REV3L: variants seen among roughly 807,000 people sequenced by gnomAD.
REV3L encodes the protein REV3 like, DNA directed polymerase zeta catalytic subunit.
Under a neutral mutation model 299.4 loss-of-function variants are expected in REV3L, and 69 were observed. That is an observed-to-expected ratio of 0.23 (90% CI 0.19 to 0.28). The LOEUF is 0.28. Ranked by LOEUF, REV3L falls within the 10% of genes least tolerant of loss-of-function variation. The probability of loss-of-function intolerance (pLI) is 1.00; values close to 1 mark genes in which losing one functional copy is unlikely to be tolerated. For synonymous variants in REV3L, 1,238 were observed against 1,271.4 expected (o/e 0.97, Z 0.56); for missense variants, 3,128 against 3,693.8 (o/e 0.85, Z 3.97).
chr6:111,460,492 T>C (rs1194892156), intron 1 of REV3L: 1 of 151,992 alleles, frequency 6.6e-6, no homozygotes, highest in East Asian at 1.9e-4. Flanking sequence ...TAGAGTGACA[T>C]CTTTTAAGTA....
chr6:111,448,980 T>C (rs999107250), intron 1 of REV3L, among the ~76,000 whole-genome samples: 1 of 152,072 alleles, frequency 6.6e-6, no homozygotes, highest in Admixed American at 6.5e-5. Flanking sequence ...TACAGCTTTT[T>C]TGAAAGAGCT....
intron 16 of REV3L, chr6:111,360,584 A>C (rs1364676735): frequency 6.8e-6 from 1 of 146,758 alleles, no homozygotes; most frequent in African/African-American, 2.5e-5. Context: ...CAAGTGATCC[A>C]CTCACTTCAG....
At chr6:111,359,680 C>A (rs1007296734) in intron 16 of REV3L, among the ~76,000 whole-genome samples, 11 of 151,974 alleles carry the variant, frequency 7.2e-5, no homozygotes, top group African/African-American at 2.4e-4. Context: ...AACTGTAATT[C>A]TTAGTTTTCT....
intron 1 of REV3L, among the ~76,000 whole-genome samples, chr6:111,475,350 C>A (rs1053949600): frequency 6.6e-6 from 1 of 152,100 alleles, no homozygotes; most frequent in Non-Finnish European, 1.5e-5. Flanking sequence ...GACATATATG[C>A]AAAATCTTCT....
rs1450980266 is a variant in REV3L at position 111,376,454 on chromosome 6, G to A, written c.1901C>T (p.Thr634Ile). The A allele has an allele frequency of 1.2e-6, 2 of 1,613,640 alleles. No homozygotes were observed. Among genetic ancestry groups the A allele is most frequent in the African/African-American group, 1.3e-5 (1 of 74,912 alleles). Residue 634 changes from threonine to isoleucine, a missense_variant, in exon 13 of 32, where the codon ACT (threonine) becomes ATT (isoleucine). Thr to Ile is a moderately conservative substitution (Grantham distance 89). This residue lies in a region of REV3L where 2,409 missense variants were observed against 2,611.8 expected (regional missense o/e 0.92). Transcript: ENST00000368802. Reference sequence around the variant, plus strand: ...TTTATGAGAATTTTCTGAATGAACAGTACTGCTTAAAGATCCAGGGTATTT... The same window carrying A: ...TTTATGAGAATTTTCTGAATGAACAATACTGCTTAAAGATCCAGGGTATTT... ...SMKYPGSLSS[T>I]VHSENSHKEN...
chr6:111,358,934 T>G lies in REV3L; in HGVS notation c.6960A>C (p.Pro2320=), dbSNP rs766318654. 1.1e-5 allele frequency: 17 copies of G among 1,613,980 alleles called. No homozygotes were observed. The highest frequency in any genetic ancestry group is 1.3e-5 in the African/African-American group (1 of 74,914). ...AGATGCAGTAGAACAGAGCACAGAT[T>G]GGGTCAAATTCAGGATCCGGTTCTA... The part of the protein sequence containing the change: ...RDLEPDPEFD[P]ICALFYCISS... Residue 2320 remains proline (P), a synonymous_variant, in exon 17 of 32, where the codon CCA becomes CCC. Coordinates refer to ENST00000368802, the MANE Select transcript of REV3L (RefSeq NM_001372078.1).
At chr6:111,387,391 C>T (rs1260166614) in intron 9 of REV3L, among the ~76,000 whole-genome samples, 1 of 152,038 alleles carries the variant, frequency 6.6e-6, no homozygotes, top group Non-Finnish European at 1.5e-5. Flanking sequence ...CTTAAAATGA[C>T]TGAATTTTAT....
intron 4 of REV3L, among the ~76,000 whole-genome samples, chr6:111,400,389 A>G (rs1338317560): frequency 6.6e-6 from 1 of 152,176 alleles, no homozygotes. Context: ...CTTGGTCAAC[A>G]TTTGTTATTG....
chr6:111,312,490 T>A (rs1164235260), intron 28 of REV3L: 1 of 152,212 alleles, frequency 6.6e-6, no homozygotes, highest in Non-Finnish European at 1.5e-5. Context: ...AGCTAATTGT[T>A]TGGAAATCTT....
chr6:111,422,228 C>T (rs1053096188), intron 1 of REV3L, among the ~76,000 whole-genome samples: 1 of 152,026 alleles, frequency 6.6e-6, no homozygotes. Context: ...AGCTCTGTGG[C>T]TCTGTAGCAA....
intron 1 of REV3L, among the ~76,000 whole-genome samples, chr6:111,439,004 AAAT>A (rs532083575): frequency 6.5e-4 from 99 of 152,350 alleles, no homozygotes; most frequent in African/African-American, 2.0e-3. Context: ...ATCCACTTTC[AAAT>A]AATACTATAC....
At chr6:111,314,235 C>CT (rs1420967391) in intron 27 of REV3L, among the ~76,000 whole-genome samples, 1 of 152,174 alleles carries the variant, frequency 6.6e-6, no homozygotes, top group Non-Finnish European at 1.5e-5. Context: ...TTGTGGTAGA[C>CT]TTTGTTTTGC....
chr6:111,458,644 C>T (rs1405643582), intron 1 of REV3L, among the ~76,000 whole-genome samples: 1 of 152,026 alleles, frequency 6.6e-6, no homozygotes, highest in African/African-American at 2.4e-5. Context: ...CAATAACCTT[C>T]AGGCTAAGAG....
intron 4 of REV3L, among the ~76,000 whole-genome samples, chr6:111,401,802 G>A (rs146062366): frequency 6.6e-6 from 1 of 152,194 alleles, no homozygotes; most frequent in East Asian, 1.9e-4. Flanking sequence ...ATTGCATATA[G>A]CATCATTATT....
intron 25 of REV3L, among the ~76,000 whole-genome samples, chr6:111,325,967 T>G (rs1342805290): frequency 6.6e-6 from 1 of 151,990 alleles, no homozygotes; most frequent in Non-Finnish European, 1.5e-5. Flanking sequence ...CTACTCTCTA[T>G]CTCCATGAGT....
Position 111,375,470 on chromosome 6 carries a change from C to T in REV3L, c.2885G>A (p.Arg962Gln), listed in dbSNP as rs17539588. The T allele has an allele frequency of 7.7e-5, 124 of 1,602,108 alleles. No individual in the cohort carries two copies. The Admixed American group carries it at 1.8e-3, about 24-fold the overall frequency. The change falls in exon 13 of 32, where the codon CGA (arginine) becomes CAA (glutamine). Residue 962 changes from arginine (R) to glutamine (Q), a missense_variant. By Grantham distance (43) the Arg-to-Gln change is conservative (BLOSUM62 1). Around this residue, in one of 9 missense-constraint regions of REV3L, gnomAD observed 2,409 missense variants for 2,611.8 expected, o/e 0.92. Coordinates refer to ENST00000368802, the MANE Select transcript of REV3L (RefSeq NM_001372078.1). ...CTTTTTAGACATTTTTCTTCGTTTTCGGGATTTGAGAGTTCCATCTAAACT... is the reference window on the plus strand; with the variant it reads ...CTTTTTAGACATTTTTCTTCGTTTTTGGGATTTGAGAGTTCCATCTAAACT... ...GESLDGTLKS[R>Q]KRRKMSKKLP... is the part of the protein sequence containing the mutation.
intron 2 of REV3L, among the ~76,000 whole-genome samples, chr6:111,413,062 A>G (rs1784406100): frequency 6.6e-6 from 1 of 152,104 alleles, no homozygotes; most frequent in South Asian, 2.1e-4. Context: ...CTTCCCGTCT[A>G]GTTTGCTGCT....
intron 4 of REV3L, among the ~76,000 whole-genome samples, chr6:111,396,158 G>T (rs1488757411): frequency 1.3e-5 from 2 of 151,766 alleles, no homozygotes; most frequent in African/African-American, 4.8e-5. Context: ...TCCCAAGTAG[G>T]TGGGACTACA....
At chr6:111,481,778 T>C (rs962503717) in intron 1 of REV3L, among the ~76,000 whole-genome samples, 7 of 152,216 alleles carry the variant, frequency 4.6e-5, no homozygotes, top group African/African-American at 1.7e-4. Flanking sequence ...AAAACCATTT[T>C]AAAACACCTA....
Sources: allele counts gnomAD v4.1 joint callset (sites outside exome capture counted in the v4.1 genomes callset), GRCh38; gene constraint gnomAD v4.1.1; regional missense constraint gnomAD v4.1.1; transcripts MANE v1.5; gene names NCBI Gene and HGNC (gene_info 2026-07-23, HGNC 2026-07-21).